The following TRAPPC10 variants were observed in gnomAD, a reference collection of about 807,000 sequenced individuals.
TRAPPC10 encodes trafficking protein particle complex subunit 10, also known as TRAPP 130 kDa subunit.
A neutral mutation model predicts 125.5 loss-of-function variants in TRAPPC10; 23 were observed. The observed-to-expected ratio is 0.18, with a 90% confidence interval of 0.13 to 0.26. The LOEUF is 0.26. TRAPPC10 is among the 10% of genes least tolerant of loss of function. The pLI is 1.00. For synonymous variants in TRAPPC10, 509 were observed against 518.0 expected (o/e 0.98, Z 0.24); for missense variants, 1,123 against 1,308.4 (o/e 0.86, Z 2.19).
rs191985322 is a variant in TRAPPC10 at position 44,087,362 on chromosome 21, G to A, written c.2540-337G>A. Among the ~76,000 whole-genome samples, 226 of 152,320 alleles carry A rather than the reference G, an allele frequency of 1.5e-3. 1 individual carries two copies. Among genetic ancestry groups the A allele is most frequent in the African/African-American group, 4.7e-3 (196 of 41,568 alleles). ...CTCCCAGCCACGAGGAAGGGGAAGG[G>A]GAGGACCCTGCTCCCCTGGGGTGGG... On this transcript the variant is annotated intron_variant, in intron 16 of 22. Transcript: ENST00000291574. This position sits in a 1 kb window ranked among gnomAD's most constrained non-coding sequence, Gnocchi z 4.6.
intron 3 of TRAPPC10, among the ~76,000 whole-genome samples, chr21:44,048,598 A>G (rs867659446): frequency 3.3e-5 from 5 of 152,016 alleles, no homozygotes; most frequent in African/African-American, 9.7e-5. Context: ...GGGTCAAGCA[A>G]TTCTCCTGCC....
rs1242361875 is a variant in TRAPPC10 at position 44,012,499 on chromosome 21, C to A, written c.6C>A (p.Asp2Glu). 1 of 1,519,158 alleles carries A rather than the reference C, an allele frequency of 6.6e-7. No individual in the cohort carries two copies. Among genetic ancestry groups the A allele is most frequent in the Non-Finnish European group, 8.8e-7 (1 of 1,130,828 alleles). The allele number at this position is 1,519,158 out of a possible 1,614,324, so 94.1% of individuals were successfully genotyped here. M[D>E]ASEEPLPPVI... ...GCCGGTGACGCCGGACGCCCATGGA[C>A]GCCTCTGAGGAGCCGCTGCCGCCGG... Residue 2 changes from aspartate (D) to glutamate (E), a missense_variant, in exon 1 of 23, where the codon GAC (aspartate) becomes GAA (glutamate). Asp to Glu is a conservative substitution (Grantham distance 45). Coordinates refer to ENST00000291574, the MANE Select transcript of TRAPPC10 (RefSeq NM_003274.5).
chr21:44,092,476 C>A (rs951242860), intron 19 of TRAPPC10, among the ~76,000 whole-genome samples: 3 of 152,222 alleles, frequency 2.0e-5, no homozygotes, highest in Admixed American at 6.5e-5. Context: ...CTGTTTATGG[C>A]TCGCTGCCTG....
chr21:44,037,758 T>G (rs1468556511), intron 2 of TRAPPC10, 34 bp from the exon 3 acceptor site: 15 of 1,601,532 alleles, frequency 9.4e-6, no homozygotes, highest in Non-Finnish European at 1.3e-5. Context: ...GCTGTTTAGT[T>G]GTTTTCTCAG....
At chr21:44,064,973 G>A (rs1275197038) in intron 7 of TRAPPC10, among the ~76,000 whole-genome samples, 1 of 152,164 alleles carries the variant, frequency 6.6e-6, no homozygotes, top group Non-Finnish European at 1.5e-5. Flanking sequence ...TGCCTGGGTT[G>A]CTCAGCCCTA....
At chr21:44,076,484 G>A in intron 9 of TRAPPC10, 68 bp from the exon 10 acceptor site, 1 of 1,285,188 alleles carries the variant, frequency 7.8e-7, no homozygotes, top group South Asian at 1.2e-5. Context: ...GTATGTGAAG[G>A]TGAATGTAAA....
intron 2 of TRAPPC10, among the ~76,000 whole-genome samples, chr21:44,034,075 A>G (rs2238711): frequency 0.34 from 51,655 of 152,086 alleles, 13,155 homozygotes; most frequent in African/African-American, 0.72. Context: ...GCCGCAGGAT[A>G]TAGCTGTGTT....
chr21:44,021,554 G>T lies in TRAPPC10; in HGVS notation c.67+8994G>T, dbSNP rs116688963. Among the ~76,000 whole-genome samples, 848 of 152,242 alleles carry T rather than the reference G, an allele frequency of 5.6e-3. 12 individuals carry two copies. Among genetic ancestry groups the T allele is most frequent in the African/African-American group, 0.02 (822 of 41,540 alleles). Reference sequence around the variant, plus strand: ...GCAATTAGGTGAACTGCCCAATCTTGCTTCTCTATACCCCTCATTCTCCCC... The same window carrying T: ...GCAATTAGGTGAACTGCCCAATCTTTCTTCTCTATACCCCTCATTCTCCCC... On this transcript the variant is annotated intron_variant, in intron 1 of 22. Transcript: ENST00000291574.
intron 2 of TRAPPC10, among the ~76,000 whole-genome samples, chr21:44,034,029 C>T (rs987596319): frequency 6.6e-6 from 1 of 152,070 alleles, no homozygotes; most frequent in Admixed American, 6.6e-5. Context: ...AAAAGGCAGA[C>T]GTGCATAAAG....
chr21:44,061,588 A>G (rs559762042), intron 6 of TRAPPC10, among the ~76,000 whole-genome samples: 10 of 152,260 alleles, frequency 6.6e-5, no homozygotes, highest in African/African-American at 2.2e-4. Context: ...AATATCTTAC[A>G]TTTTTTTAAA....
chr21:44,034,341 C>G lies in TRAPPC10; in HGVS notation c.149+2169C>G, dbSNP rs979599394. On this transcript the variant is annotated intron_variant, in intron 2 of 22. Coordinates refer to ENST00000291574, the MANE Select transcript of TRAPPC10 (RefSeq NM_003274.5). ...ATTGCCCACTCCCCCAACCCCCCCC[C>G]CCACCCCCGCCGCCCCTCAGGAACC... is the stretch of plus-strand genomic sequence containing the variant. 2.7e-3 allele frequency among the ~76,000 whole-genome samples: 397 copies of G among 144,886 alleles called. 3 individuals carry two copies. The highest frequency in any genetic ancestry group is 8.8e-3 in the African/African-American group (345 of 39,394).
At chr21:44,051,034 G>A (rs1258333483) in intron 3 of TRAPPC10, among the ~76,000 whole-genome samples, 1 of 152,176 alleles carries the variant, frequency 6.6e-6, no homozygotes, top group Non-Finnish European at 1.5e-5. Context: ...CTCCTGAGTA[G>A]CTGGGACTAC....
chr21:44,029,261 A>AT (rs556723501), intron 1 of TRAPPC10, among the ~76,000 whole-genome samples: 184 of 152,048 alleles, frequency 1.2e-3, no homozygotes, highest in African/African-American at 4.4e-3. Context: ...CACCCAGCTA[A>AT]TTTTTTGTAT....
intron 1 of TRAPPC10, among the ~76,000 whole-genome samples, chr21:44,018,938 G>T (rs771005645): frequency 2.6e-5 from 4 of 152,146 alleles, no homozygotes; most frequent in Admixed American, 2.0e-4. Context: ...GTGTGTAAGT[G>T]TGTGGTCTCC....
chr21:44,051,581 C>T (rs917547419), intron 3 of TRAPPC10, among the ~76,000 whole-genome samples: 8 of 152,218 alleles, frequency 5.3e-5, no homozygotes, highest in African/African-American at 1.9e-4. Flanking sequence ...CTTTCTCTGG[C>T]AGGCTCATGC....
rs369866558 is a variant in TRAPPC10, at chr21:44,059,086, G to A, written c.679-17G>A. 131 of 1,563,164 alleles carry A rather than the reference G, an allele frequency of 8.4e-5. 1 individual carries two copies. The African/African-American group carries it at 1.2e-3, about 14-fold the overall frequency. On this transcript the variant is annotated splice_polypyrimidine_tract_variant and intron_variant, in intron 5 of 22. Coordinates refer to ENST00000291574, the MANE Select transcript of TRAPPC10 (RefSeq NM_003274.5). This position sits in a 1 kb window ranked among gnomAD's most constrained non-coding sequence, Gnocchi z 4.4. ...TTATGTTTTTGTTTTTTTAAAAAAC[G>A]TATCTTGGGCGAATAGGAGGAGCTT...
At chr21:44,060,105 CTG>C (rs949072740) in intron 6 of TRAPPC10, 3 of 152,628 alleles carry the variant, frequency 2.0e-5, no homozygotes, top group Non-Finnish European at 2.9e-5. Context: ...TGTCCTCACT[CTG>C]GAACTCATCA....
intron 11 of TRAPPC10, among the ~76,000 whole-genome samples, chr21:44,078,244 A>G (rs2037423456): frequency 6.6e-6 from 1 of 152,098 alleles, no homozygotes; most frequent in African/African-American, 2.4e-5. Flanking sequence ...GGTGTGTACA[A>G]AGACTGCAGG....
At chr21:44,017,495 G>A (rs1466479447) in intron 1 of TRAPPC10, among the ~76,000 whole-genome samples, 4 of 151,866 alleles carry the variant, frequency 2.6e-5, no homozygotes, top group Admixed American at 2.6e-4. Context: ...TTTTTTCATG[G>A]CATCTCTAGG....
Sources: gnomAD v4.1 joint callset for allele counts (sites outside exome capture counted in the v4.1 genomes callset) on GRCh38, gnomAD v4.1.1 for gene constraint, Gnocchi (gnomAD v3.1) non-coding constraint, MANE v1.5 for transcripts, NCBI Gene and HGNC (gene_info 2026-07-23, HGNC 2026-07-21) for gene names.